Variants in ADARB2 observed in about 807,000 individuals in gnomAD.
ADARB2 encodes inactive double-stranded RNA-specific editase B2.
ADARB2 carries 25 observed loss-of-function variants against 62.2 expected under a neutral mutation model. The observed-to-expected ratio is 0.40, with a 90% CI of 0.29 to 0.56. ADARB2 has a LOEUF of 0.56. Among genes scored for constraint, ADARB2 ranks in the 20% least tolerant of loss-of-function variants. The pLI is 0.43. For synonymous variants in ADARB2, 572 were observed against 500.8 expected (o/e 1.14, Z -1.90); for missense variants, 1,071 against 1,077.4 (o/e 0.99, Z 0.08).
rs539837436 is a variant in ADARB2, at chr10:1,560,465, C to T, written c.100+176586G>A. On this transcript the variant is annotated intron_variant, in intron 1 of 9. Coordinates refer to ENST00000381312, the MANE Select transcript of ADARB2 (RefSeq NM_018702.4). ...GGGTCGTCACACACGCGTGAACACA[C>T]GGGGGGCACCCTGGGTCGTCACACA... Among the ~76,000 whole-genome samples the T allele has an allele frequency of 1.1e-3, 94 of 83,552 alleles. 3 individuals carry two copies. The highest frequency in any genetic ancestry group is 2.9e-3 in the African/African-American group (91 of 31,148). The allele number at this position is 83,552 out of a possible 152,430, so 54.8% of individuals were successfully genotyped here. A position where few individuals can be genotyped will look rare whatever the true frequency, so the allele number is the denominator to read the frequency against.
At chr10:1,452,036 G>T (rs1831046945) in intron 1 of ADARB2, among the ~76,000 whole-genome samples, 1 of 152,198 alleles carries the variant, frequency 6.6e-6, no homozygotes, top group African/African-American at 2.4e-5. Flanking sequence ...TGGAGTTGGA[G>T]GCAGTGTGGG....
intron 7 of ADARB2, chr10:1,200,430 C>T: frequency 2.1e-6 from 1 of 475,520 alleles, no homozygotes; most frequent in Admixed American, 4.1e-5. Flanking sequence ...CTCTGTGGGA[C>T]TTAGAATTAG....
chr10:1,501,402 C>T (rs537372177), intron 1 of ADARB2, among the ~76,000 whole-genome samples: 2 of 152,250 alleles, frequency 1.3e-5, no homozygotes, highest in African/African-American at 4.8e-5. Context: ...GCCACACAGC[C>T]CAGTTGTATC....
At chr10:1,242,959 T>C (rs1830941962) in intron 4 of ADARB2, among the ~76,000 whole-genome samples, 1 of 152,214 alleles carries the variant, frequency 6.6e-6, no homozygotes, top group Non-Finnish European at 1.5e-5. Flanking sequence ...TTCATCACTT[T>C]GTTTAAGGAG....
chr10:1,453,517 T>A (rs558165526), intron 1 of ADARB2, among the ~76,000 whole-genome samples: 1 of 152,216 alleles, frequency 6.6e-6, no homozygotes, highest in African/African-American at 2.4e-5. Flanking sequence ...TTGAGAACAC[T>A]GTCCTCTCTC....
chr10:1,593,348 G>C (rs183006236), intron 1 of ADARB2, among the ~76,000 whole-genome samples: 1 of 94,928 alleles, frequency 1.1e-5, no homozygotes. Context: ...ACCACACTCT[G>C]TAGGTCTCCT....
chr10:1,507,517 G>A (rs1388475343), intron 1 of ADARB2, among the ~76,000 whole-genome samples: 1 of 152,220 alleles, frequency 6.6e-6, no homozygotes, highest in Non-Finnish European at 1.5e-5. Context: ...CCTTTACTAC[G>A]TGAATCTGAC....
At chr10:1,406,818 C>A (rs1289054698) in intron 1 of ADARB2, among the ~76,000 whole-genome samples, 1 of 152,194 alleles carries the variant, frequency 6.6e-6, no homozygotes, top group Non-Finnish European at 1.5e-5. Flanking sequence ...GATTCCTGCA[C>A]GTCCCAGGAC....
chr10:1,697,848 G>A (rs1346354095), intron 1 of ADARB2, among the ~76,000 whole-genome samples: 1 of 152,142 alleles, frequency 6.6e-6, no homozygotes, highest in Non-Finnish European at 1.5e-5. Flanking sequence ...CTTCTCTTTC[G>A]ACTTGCTTAC....
intron 1 of ADARB2, among the ~76,000 whole-genome samples, chr10:1,551,023 C>T (rs1832614115): frequency 6.6e-6 from 1 of 152,128 alleles, no homozygotes; most frequent in South Asian, 2.1e-4. Context: ...CTCCCAGGAC[C>T]TCAGAAGGTG....
At chr10:1,241,561 C>A (rs1589163023) in intron 5 of ADARB2, among the ~76,000 whole-genome samples, 1 of 152,180 alleles carries the variant, frequency 6.6e-6, no homozygotes, top group East Asian at 1.9e-4. Context: ...GTGCTGCAAA[C>A]CACCTGGGTT....
rs116799947 is a variant in ADARB2 at position 1,705,497 on chromosome 10, G to C, written c.100+31554C>G. ...GGGGTGAGAAGGGCTGCAAGGCCAG[G>C]TAGGTTCTCAGGATGTTAGGCAGGC... On this transcript the variant is annotated intron_variant, in intron 1 of 9. Coordinates refer to ENST00000381312, the MANE Select transcript of ADARB2 (RefSeq NM_018702.4). Among the ~76,000 whole-genome samples the C allele has an allele frequency of 2.7e-3, 406 of 152,360 alleles. 4 individuals are homozygous for C. Among genetic ancestry groups the C allele is most frequent in the African/African-American group, 9.4e-3 (391 of 41,572 alleles).
At chr10:1,585,860 C>G (rs887142129) in intron 1 of ADARB2, among the ~76,000 whole-genome samples, 1 of 152,086 alleles carries the variant, frequency 6.6e-6, no homozygotes, top group Non-Finnish European at 1.5e-5. Flanking sequence ...CGGTGAAACC[C>G]CGTCTCTACT....
At chr10:1,290,048 T>C (rs1831451047) in intron 3 of ADARB2, 1 of 152,192 alleles carries the variant, frequency 6.6e-6, no homozygotes, top group South Asian at 2.1e-4. Context: ...TCCGACATAA[T>C]TAGTTACAGT....
intron 1 of ADARB2, among the ~76,000 whole-genome samples, chr10:1,436,673 G>T (rs572860884): frequency 2.0e-5 from 3 of 152,068 alleles, no homozygotes; most frequent in South Asian, 2.1e-4. Flanking sequence ...AATTTCCCTC[G>T]GGGAGAAGCT....
intron 1 of ADARB2, among the ~76,000 whole-genome samples, chr10:1,649,668 C>T (rs771675531): frequency 5.3e-5 from 8 of 152,332 alleles, no homozygotes; most frequent in South Asian, 2.1e-4. Flanking sequence ...GTGCTCCAGT[C>T]GGTGGGATAT....
rs140411430 is a variant in ADARB2, at chr10:1,252,766, G to A, written c.1193-10467C>T. ...AAAATGTCTGGCTTGGGGACATCTT[G>A]TCTGTTGGGGACATGATTGGACTGA... On this transcript the variant is annotated intron_variant, in intron 4 of 9. Coordinates refer to ENST00000381312, the MANE Select transcript of ADARB2 (RefSeq NM_018702.4). Among the ~76,000 whole-genome samples, 227 of 151,904 alleles carry A rather than the reference G, an allele frequency of 1.5e-3. 2 individuals carry two copies. The highest frequency in any genetic ancestry group is 5.4e-3 in the African/African-American group (225 of 41,412).
At chr10:1,540,890 G>A (rs1477639255) in intron 1 of ADARB2, among the ~76,000 whole-genome samples, 10 of 59,308 alleles carry the variant, frequency 1.7e-4, no homozygotes, top group African/African-American at 7.1e-4. Flanking sequence ...GATCACAGCC[G>A]TCCAGACCCC....
intron 3 of ADARB2, among the ~76,000 whole-genome samples, chr10:1,346,330 C>T (rs1424921535): frequency 6.6e-6 from 1 of 152,334 alleles, no homozygotes; most frequent in African/African-American, 2.4e-5. Flanking sequence ...ACGAGTTCGT[C>T]TCTCACCAAC....
Sources: gnomAD v4.1 joint callset for allele counts (sites outside exome capture counted in the v4.1 genomes callset) on GRCh38, gnomAD v4.1.1 for gene constraint, MANE v1.5 for transcripts, NCBI Gene and HGNC (gene_info 2026-07-23, HGNC 2026-07-21) for gene names.